NOD1: variants seen among roughly 807,000 people sequenced by gnomAD.
NOD1 encodes nucleotide-binding oligomerization domain-containing protein 1.
A neutral mutation model predicts 81.2 loss-of-function variants in NOD1; 70 were observed. That is an observed-to-expected ratio of 0.86 (90% CI 0.71 to 1.05). NOD1 has a LOEUF of 1.05. NOD1 is among the 50% of genes least tolerant of loss of function. The pLI is 0.00. For synonymous variants in NOD1, 508 were observed against 526.9 expected, an observed-to-expected ratio of 0.96 and a Z score of 0.49; for missense variants, 1,233 against 1,228.0, an observed-to-expected ratio of 1.00 and a Z score of -0.06.
At chr7:30,458,110 C>A (rs138287783) in intron 3 of NOD1, among the ~76,000 whole-genome samples, 240 of 152,270 alleles carry the variant, frequency 1.6e-3, no homozygotes, top group Admixed American at 6.9e-3. Context: ...TGGGTAGGAA[C>A]AGGGACCCAG....
chr7:30,453,109 A>C (rs779062713), intron 5 of NOD1, 69 bp from the exon 6 acceptor site: 16 of 1,515,938 alleles, frequency 1.1e-5, no homozygotes, highest in African/African-American at 1.4e-5. Context: ...TCAAACAGGG[A>C]GGTCTCAAAG....
At chr7:30,445,953 G>T (rs568574236) in intron 9 of NOD1, among the ~76,000 whole-genome samples, 188 bp downstream of exon 9, 3 of 151,956 alleles carry the variant, frequency 2.0e-5, no homozygotes, top group East Asian at 3.9e-4. Flanking sequence ...GGGGGGAGGG[G>T]GACCGGGGAG....
At chr7:30,428,664 G>A (rs1783674863) in intron 13 of NOD1, 1 of 151,814 alleles carries the variant, frequency 6.6e-6, no homozygotes, top group African/African-American at 2.4e-5. Context: ...CCAAGGAGCT[G>A]TTTTTTGTTT....
At chr7:30,469,046 A>G (rs1787993032) in intron 1 of NOD1, 1 of 985,330 alleles carries the variant, frequency 1.0e-6, no homozygotes, top group Non-Finnish European at 1.2e-6. Flanking sequence ...CGGAGAACAC[A>G]TATGCTTGGT....
chr7:30,428,867 A>C (rs1783697387), intron 13 of NOD1, among the ~76,000 whole-genome samples: 1 of 152,218 alleles, frequency 6.6e-6, no homozygotes, highest in African/African-American at 2.4e-5. Flanking sequence ...ACAGTAAAGC[A>C]AACTTTTTTT....
At chr7:30,449,145 C>G (rs1785421394) in intron 6 of NOD1, among the ~76,000 whole-genome samples, 1 of 152,224 alleles carries the variant, frequency 6.6e-6, no homozygotes, top group Admixed American at 6.5e-5. Flanking sequence ...CAATTAGACC[C>G]ACAAGCTGAC....
chr7:30,464,453 C>T (rs1451619224), intron 1 of NOD1, among the ~76,000 whole-genome samples: 1 of 152,180 alleles, frequency 6.6e-6, no homozygotes, highest in Non-Finnish European at 1.5e-5. Context: ...GTGCAAGGGC[C>T]CCAGCAGGGC....
chr7:30,453,045 A>C lies in NOD1; in HGVS notation c.377-5T>G. 3 of 1,595,156 alleles carry C rather than the reference A, an allele frequency of 1.9e-6. No homozygotes were observed. Among genetic ancestry groups the C allele is most frequent in the Non-Finnish European group, 2.6e-6 (3 of 1,167,876 alleles). On this transcript the variant is annotated splice_region_variant and splice_polypyrimidine_tract_variant and intron_variant, in intron 5 of 13. Coordinates refer to ENST00000222823, the MANE Select transcript of NOD1 (RefSeq NM_006092.4). ...GCTGCTGGGTATACCTGCTCACTGG[A>C]GGGAGGGGGTGGCAGGGCACAGCAG...
chr7:30,448,415 G>A, intron 6 of NOD1, 34 bp from the exon 7 acceptor site: 1 of 1,536,736 alleles, frequency 6.5e-7, no homozygotes, highest in Non-Finnish European at 9.0e-7. Context: ...TACGAGTCAG[G>A]GCAGGCACTC....
In NOD1 at chr7:30,478,380, C is replaced by G. The variant is rs748041329; in HGVS notation, c.-352+226G>C. On this transcript the variant is annotated intron_variant, in intron 1 of 13. Transcript: ENST00000222823. The surrounding 1 kb of genome is among the most constrained non-coding windows in gnomAD (Gnocchi z 4.1). ...ACGATTGAGAACCCCTGCGTTCGAC[C>G]ACAGTGGGATAAACGATTCCGCTGA... Among the ~76,000 whole-genome samples the G allele has an allele frequency of 1.3e-5, 2 of 152,210 alleles. No individual in the cohort carries two copies. The highest frequency in any genetic ancestry group is 2.9e-5 in the Non-Finnish European group (2 of 68,028).
rs144535612 is a variant in NOD1, at chr7:30,452,776, C to A, written c.641G>T (p.Arg214Leu). 6.2e-6 allele frequency: 10 copies of A among 1,614,004 alleles called. No individual in the cohort carries two copies. In the Admixed American group the frequency reaches 1.2e-4, roughly 19 times the overall value. Residue 214 changes from arginine (R) to leucine (L), a missense_variant, in exon 6 of 14, where the codon CGG becomes CTG. Arg to Leu is a moderately radical substitution (Grantham distance 102). Transcript: ENST00000222823. ...GCCCGTGGCCCAGAGGCTCTGCAGC[C>A]GCTGTAGCAGCATGGACTTGCCCAC... ...AGVGKSMLLQRLQSLWATGRL... is the reference protein window; with the variant it reads ...AGVGKSMLLQLLQSLWATGRL...
At chr7:30,437,117 C>T (rs572295695) in intron 10 of NOD1, among the ~76,000 whole-genome samples, 45 of 152,094 alleles carry the variant, frequency 3.0e-4, no homozygotes, top group African/African-American at 1.1e-3. Context: ...AGCAAACTAA[C>T]ACAGGAACAA....
rs62636579 is a variant in NOD1, at chr7:30,451,665, G to T, written c.1752C>A (p.His584Gln). The T allele has an allele frequency of 1.4e-5, 22 of 1,613,856 alleles. No homozygotes were observed. Among genetic ancestry groups the T allele is most frequent in the Non-Finnish European group, 1.9e-5 (22 of 1,180,052 alleles). ...AREDLFKNKDHFQFTNLFLCG... is the reference protein window; with the variant it reads ...AREDLFKNKDQFQFTNLFLCG... ...ACAGGAAGAGGTTGGTGAACTGGAAGTGATCCTTGTTCTTGAAGAGGTCTT... is the reference window on the plus strand; with the variant it reads ...ACAGGAAGAGGTTGGTGAACTGGAATTGATCCTTGTTCTTGAAGAGGTCTT... Residue 584 changes from histidine (H) to glutamine (Q), a missense_variant, in exon 6 of 14, where the codon CAC becomes CAA. His to Gln is a conservative substitution (Grantham distance 24). Coordinates refer to ENST00000222823, the MANE Select transcript of NOD1 (RefSeq NM_006092.4). This position sits in a 1 kb window ranked among gnomAD's most constrained non-coding sequence, Gnocchi z 4.2.
rs1238228840 is a variant in NOD1 at position 30,425,423 on chromosome 7, GAC to G, written c.*213_*214del. 1.7e-5 allele frequency: 10 copies of G among 592,782 alleles called. No homozygotes were observed. Among genetic ancestry groups the G allele is most frequent in the African/African-American group, 1.5e-4 (8 of 53,670 alleles). 36.7% of individuals were successfully genotyped at this position (592,782 alleles called of 1,614,324 possible). On this transcript the variant is annotated 3_prime_UTR_variant, in exon 14 of 14. Transcript: ENST00000222823. ...TTACTGTAACTACAACAGCTCGCAA[GAC>G]ACATTCTTTTTCTGCAGAATTGTAG...
chr7:30,463,334 G>A (rs1181164775), intron 1 of NOD1, among the ~76,000 whole-genome samples: 2 of 152,018 alleles, frequency 1.3e-5, no homozygotes, highest in East Asian at 1.9e-4. Context: ...TGTTGCTACC[G>A]TATCTGCACT....
chr7:30,478,724 G>T lies in NOD1; in HGVS notation c.-470C>A, dbSNP rs1484794180. 1.3e-5 allele frequency: 2 copies of T among 152,326 alleles called. No individual in the cohort carries two copies. The highest frequency in any genetic ancestry group is 2.9e-5 in the Non-Finnish European group (2 of 68,110). 9.4% of individuals were successfully genotyped at this position (152,326 alleles called of 1,614,324 possible). A position where few individuals can be genotyped will look rare whatever the true frequency, so the allele number is the denominator to read the frequency against. ...CGTGGCCCGGGAGGACGCTGCTCCC[G>T]CAGTAGCGCGAGGGAGGGGCAGGAC... On this transcript the variant is annotated 5_prime_UTR_variant, in exon 1 of 14. Coordinates refer to ENST00000222823, the MANE Select transcript of NOD1 (RefSeq NM_006092.4). The surrounding 1 kb of genome is among the most constrained non-coding windows in gnomAD (Gnocchi z 4.1).
chr7:30,463,514 T>G (rs746779597), intron 1 of NOD1: 1 of 152,566 alleles, frequency 6.6e-6, no homozygotes, highest in Non-Finnish European at 1.5e-5. Flanking sequence ...CAGGAAATGA[T>G]TGACCTAGAA....
chr7:30,459,705 G>A (rs1786807688), intron 2 of NOD1, among the ~76,000 whole-genome samples, 196 bp downstream of exon 2: 1 of 152,194 alleles, frequency 6.6e-6, no homozygotes, highest in South Asian at 2.1e-4. Flanking sequence ...CAGTAGCACA[G>A]AATTGAGACT....
rs1437449654 is a variant in NOD1 at position 30,451,953 on chromosome 7, C to A, written c.1464G>T (p.Leu488=). Reference sequence around the variant, plus strand: ...AGCCCAGCTGCATGTCTCTCTCCTGCAGCCCGGAGGCCTGCACCTCCTCCT... The same window carrying A: ...AGCCCAGCTGCATGTCTCTCTCCTGAAGCCCGGAGGCCTGCACCTCCTCCT... ...FTQEEVQASG[L]QERDMQLGFL... The change falls in exon 6 of 14, where the codon CTG becomes CTT. Residue 488 remains leucine, a synonymous_variant. Transcript: ENST00000222823. This position sits in a 1 kb window ranked among gnomAD's most constrained non-coding sequence, Gnocchi z 4.2. The A allele has an allele frequency of 5.0e-6, 8 of 1,613,464 alleles. No individual in the cohort carries two copies. The African/African-American group carries it at 9.3e-5, about 19-fold the overall frequency.
Sources: gnomAD v4.1 joint callset for allele counts (sites outside exome capture counted in the v4.1 genomes callset) on GRCh38, gnomAD v4.1.1 for gene constraint, Gnocchi (gnomAD v3.1) non-coding constraint, MANE v1.5 for transcripts, NCBI Gene and HGNC (gene_info 2026-07-23, HGNC 2026-07-21) for gene names.